Variants in PDLIM3 observed in about 807,000 individuals in gnomAD.
PDLIM3 encodes the protein PDZ and LIM domain 3.
Under a neutral mutation model 37.3 loss-of-function variants are expected in PDLIM3, and 36 were observed. The ratio of observed to expected loss-of-function variants is 0.97; its 90% CI spans 0.74 to 1.28. The LOEUF is 1.28. Among genes scored for constraint, PDLIM3 ranks in the 50% most tolerant of loss-of-function variants. The probability of loss-of-function intolerance (pLI) is 0.00; values close to 1 mark genes in which losing one functional copy is unlikely to be tolerated. For synonymous variants in PDLIM3, 174 were observed against 182.4 expected (o/e 0.95, Z 0.37); for missense variants, 454 against 485.0 (o/e 0.94, Z 0.60).
In PDLIM3 at chr4:185,514,454, TAAGA is replaced by T. The variant is rs1056461271; in HGVS notation, c.331-121_331-118del. On this transcript the variant is annotated intron_variant, in intron 3 of 7. Transcript: ENST00000284767. This position sits in a 1 kb window ranked among gnomAD's most constrained non-coding sequence, Gnocchi z 4.0. ...ATTTACCACCAACTACTGTCATAAC[TAAGA>T]AAGGCGATGACGGGACCAGGACGAT... is the stretch of plus-strand genomic sequence containing the variant. The T allele has an allele frequency of 6.3e-7, 1 of 1,589,960 alleles. No homozygotes were observed. Among genetic ancestry groups the T allele is most frequent in the African/African-American group, 1.3e-5 (1 of 74,610 alleles).
chr4:185,508,530 CCA>C lies in PDLIM3; in HGVS notation c.429_430del (p.Cys143TrpfsTer14). On this transcript the variant is annotated frameshift_variant, in exon 5 of 8. Transcript: ENST00000284767. LOFTEE classifies it high-confidence loss of function. The stretch of plus-strand genomic sequence containing the variant: ...AGAAGAAGGGGTGCTGCGTCCACTG[CCA>C]CAGTCAATCCCGGAGGGAGTGCTGC... 1 of 1,614,076 alleles carries C rather than the reference CCA, an allele frequency of 6.2e-7. No individual in the cohort carries two copies. The highest frequency in any genetic ancestry group is 8.5e-7 in the Non-Finnish European group (1 of 1,179,952).
At chr4:185,507,518 A>T (rs2095699664) in intron 5 of PDLIM3, among the ~76,000 whole-genome samples, 1 of 152,134 alleles carries the variant, frequency 6.6e-6, no homozygotes, top group Non-Finnish European at 1.5e-5. Flanking sequence ...TATTAGTTCA[A>T]TGTGTTCATC....
At chr4:185,513,438 C>T (rs758260394) in intron 4 of PDLIM3, 13 of 933,216 alleles carry the variant, frequency 1.4e-5, no homozygotes, top group African/African-American at 1.8e-5. Flanking sequence ...GAAAATGGGC[C>T]GTGTCTCACA....
In PDLIM3 at chr4:185,508,365, T is replaced by C. The variant is rs771679939; in HGVS notation, c.596A>G (p.Asp199Gly). ...QFNTPMQLYSDDNIMETLQGQ... is the reference protein window; with the variant it reads ...QFNTPMQLYSGDNIMETLQGQ... ...CTGGAGTGTTTCCATAATATTGTCA[T>C]CTGAGTACAACTGCATAGGTGTATT... The change falls in exon 5 of 8, where the codon GAT becomes GGT. Residue 199 changes from aspartate (D) to glycine (G), a missense_variant. Asp to Gly is a moderately conservative substitution (Grantham distance 94). Transcript: ENST00000284767. 5.0e-6 allele frequency: 8 copies of C among 1,614,030 alleles called. No homozygotes were observed. In the South Asian group the frequency reaches 8.8e-5, roughly 18 times the overall value.
intron 1 of PDLIM3, among the ~76,000 whole-genome samples, chr4:185,532,336 G>A (rs1396550713): frequency 6.6e-6 from 1 of 152,202 alleles, no homozygotes; most frequent in African/African-American, 2.4e-5. Context: ...TGCCTTCGGG[G>A]AATGTGCAAT....
intron 6 of PDLIM3, among the ~76,000 whole-genome samples, chr4:185,505,853 T>C (rs1300678762): frequency 1.3e-5 from 2 of 152,206 alleles, no homozygotes; most frequent in African/African-American, 4.8e-5. Flanking sequence ...TCTGCCACAA[T>C]AGCCACCCTA....
intron 4 of PDLIM3, chr4:185,513,494 T>C: frequency 1.0e-6 from 1 of 965,958 alleles, no homozygotes. Flanking sequence ...AGTTTAAATG[T>C]TCTGTCTAAA....
chr4:185,502,609 G>C, intron 7 of PDLIM3, 126 bp from the exon 8 acceptor site: 1 of 834,778 alleles, frequency 1.2e-6, no homozygotes, highest in African/African-American at 1.6e-5. Context: ...GCCTCCAGCT[G>C]TGAAAGCAGG....
In PDLIM3 at chr4:185,502,416, G is replaced by A. The variant is rs766415797; in HGVS notation, c.973C>T (p.Leu325Phe). 6.2e-7 allele frequency: 1 copy of A among 1,614,208 alleles called. No homozygotes were observed. Among genetic ancestry groups the A allele is most frequent in the Non-Finnish European group, 8.5e-7 (1 of 1,180,044 alleles). ...PECFVCADCN[L>F]NLKQKGYFFI... ...AAGTAGCCCTTTTGCTTGAGGTTGA[G>A]GTTGCAGTCGGCACACACGAAGCAC... Residue 325 changes from leucine (L) to phenylalanine (F), a missense_variant, in exon 8 of 8, where the codon CTC becomes TTC. Transcript: ENST00000284767.
At position 185,502,484 on chromosome 4, in the gene PDLIM3, C is replaced by A; in HGVS notation, c.906-1G>T. ...ATCCCGCGCCTTCACCACAGCACCGCTGTTGGGGAAGAAAACGAGCTCAAG... is the reference window on the plus strand; with the variant it reads ...ATCCCGCGCCTTCACCACAGCACCGATGTTGGGGAAGAAAACGAGCTCAAG... On this transcript the variant is annotated splice_acceptor_variant, in intron 7 of 7. Coordinates refer to ENST00000284767, the MANE Select transcript of PDLIM3 (RefSeq NM_014476.6). LOFTEE classifies it high-confidence loss of function. 1 of 1,614,020 alleles carries A rather than the reference C, an allele frequency of 6.2e-7. No homozygotes were observed. The highest frequency in any genetic ancestry group is 8.5e-7 in the Non-Finnish European group (1 of 1,179,920).
chr4:185,514,574 T>C lies in PDLIM3; in HGVS notation c.331-237A>G. 8.0e-7 allele frequency: 1 copy of C among 1,253,562 alleles called. No individual in the cohort carries two copies. Among genetic ancestry groups the C allele is most frequent in the Non-Finnish European group, 1.1e-6 (1 of 911,536 alleles). 77.7% of individuals were successfully genotyped at this position (1,253,562 alleles called of 1,614,324 possible). A position where few individuals can be genotyped will look rare whatever the true frequency, so the allele number is the denominator to read the frequency against. On this transcript the variant is annotated intron_variant, in intron 3 of 7. Transcript: ENST00000284767. This position sits in a 1 kb window ranked among gnomAD's most constrained non-coding sequence, Gnocchi z 4.0. ...AGAACATGTTTTAGATGCTTGTCTT[T>C]AAAAGAGAAATCTGATAGTGCCTTC...
chr4:185,509,519 G>T (rs906515444), intron 4 of PDLIM3, among the ~76,000 whole-genome samples: 1 of 152,126 alleles, frequency 6.6e-6, no homozygotes, highest in Non-Finnish European at 1.5e-5. Flanking sequence ...TTGGAAACTG[G>T]ATAGGGGTCA....
intron 1 of PDLIM3, among the ~76,000 whole-genome samples, chr4:185,532,820 G>A (rs755568420): frequency 1.3e-5 from 2 of 152,188 alleles, no homozygotes; most frequent in Non-Finnish European, 2.9e-5. Context: ...TTGGACGGGG[G>A]AGCCAAATGT....
chr4:185,518,706 T>G (rs142404031), intron 3 of PDLIM3, among the ~76,000 whole-genome samples: 1,914 of 152,304 alleles, frequency 0.013, 20 homozygotes, highest in Non-Finnish European at 0.018. Context: ...GTTTCCCATC[T>G]CTCACTGGGA....
chr4:185,513,530 T>TTTTA lies in PDLIM3; in HGVS notation c.398+739_398+740insTAAA, dbSNP rs113679669. ...GGCACTTAAATTCTTTTTTTTTTTT[T>TTTTA]AAACAAAAGAATTAAATAAAACATG... On this transcript the variant is annotated intron_variant, in intron 4 of 7. Transcript: ENST00000284767. 1.4e-4 allele frequency: 140 copies of TTTTA among 972,012 alleles called. No homozygotes were observed. The African/African-American group carries it at 2.3e-3, about 16-fold the overall frequency. The allele number at this position is 972,012 out of a possible 1,614,324, so 60.2% of individuals were successfully genotyped here.
chr4:185,504,753 T>C lies in PDLIM3; in HGVS notation c.794-167A>G, dbSNP rs2095693897. Among the ~76,000 whole-genome samples the C allele has an allele frequency of 1.3e-5, 2 of 152,220 alleles. No individual in the cohort carries two copies. Among genetic ancestry groups the C allele is most frequent in the Non-Finnish European group, 2.9e-5 (2 of 68,038 alleles). ...AGGGACGCTGTTCTGAAATAGGGCA[T>C]TATAGAATGGAATTAGTGAAAACAT... On this transcript the variant is annotated intron_variant, in intron 6 of 7. Coordinates refer to ENST00000284767, the MANE Select transcript of PDLIM3 (RefSeq NM_014476.6). The surrounding 1 kb of genome is among the most constrained non-coding windows in gnomAD (Gnocchi z 4.7).
At chr4:185,509,610 G>C (rs933567895) in intron 4 of PDLIM3, among the ~76,000 whole-genome samples, 5 of 152,100 alleles carry the variant, frequency 3.3e-5, no homozygotes, top group Non-Finnish European at 5.9e-5. Flanking sequence ...TGTAAAAAAA[G>C]CATAGTCATT....
chr4:185,528,359 CT>C (rs2153338935), intron 1 of PDLIM3, among the ~76,000 whole-genome samples: 1 of 152,292 alleles, frequency 6.6e-6, no homozygotes, highest in Non-Finnish European at 1.5e-5. Flanking sequence ...AGCCATACCC[CT>C]GATATTGGAC....
At chr4:185,512,976 T>C (rs749141642) in intron 4 of PDLIM3, 33 of 985,356 alleles carry the variant, frequency 3.3e-5, no homozygotes, top group Non-Finnish European at 4.0e-5. Context: ...CTCTGGACTC[T>C]TCTTGCCACT....
Sources: allele counts gnomAD v4.1 joint callset (sites outside exome capture counted in the v4.1 genomes callset), GRCh38; gene constraint gnomAD v4.1.1; non-coding constraint Gnocchi (gnomAD v3.1); transcripts MANE v1.5; gene names NCBI Gene and HGNC (gene_info 2026-07-23, HGNC 2026-07-21).